SLC2A13: variants seen among roughly 807,000 people sequenced by gnomAD.
SLC2A13 encodes proton myo-inositol cotransporter.
SLC2A13 carries 32 observed loss-of-function variants against 64.4 expected under a neutral mutation model. That is an observed-to-expected ratio of 0.50 (90% confidence interval 0.37 to 0.67). SLC2A13 has a LOEUF of 0.67. SLC2A13 is among the 30% of genes least tolerant of loss of function. SLC2A13 has a pLI of 0.00. For synonymous variants in SLC2A13, 338 were observed against 327.1 expected (o/e 1.03, Z -0.36); for missense variants, 743 against 829.2 (o/e 0.90, Z 1.28).
chr12:39,989,683 TATC>T (rs2136164635), intron 3 of SLC2A13, among the ~76,000 whole-genome samples: 1 of 152,314 alleles, frequency 6.6e-6, no homozygotes, highest in Non-Finnish European at 1.5e-5. Context: ...GGGCTAAAAA[TATC>T]ATCGCCATAT....
At chr12:40,096,102 G>A (rs974239952) in intron 1 of SLC2A13, among the ~76,000 whole-genome samples, 1 of 125,594 alleles carries the variant, frequency 8.0e-6, no homozygotes, top group African/African-American at 3.0e-5. Flanking sequence ...TTTTTTTTTT[G>A]TACTTTTTAG....
At chr12:40,045,515 T>C (rs1948156974) in intron 2 of SLC2A13, among the ~76,000 whole-genome samples, 1 of 149,900 alleles carries the variant, frequency 6.7e-6, no homozygotes, top group Non-Finnish European at 1.5e-5. Flanking sequence ...AGGAGTCAGA[T>C]GAGATAAATA....
At position 40,086,622 on chromosome 12, in the gene SLC2A13, C is replaced by A. The variant is rs111714927; in HGVS notation, c.556+18631G>T. Among the ~76,000 whole-genome samples, 13 of 152,282 alleles carry A rather than the reference C, an allele frequency of 8.5e-5. 2 individuals carry two copies. The highest frequency in any genetic ancestry group is 2.9e-4 in the African/African-American group (12 of 41,552). ...CACCAACAGCAGAAGGCAATTCAGA[C>A]AAGACAGTCTTAAAAGCAAATCAGT... On this transcript the variant is annotated intron_variant, in intron 1 of 9. Transcript: ENST00000280871.
chr12:39,886,987 T>C (rs1944479812), intron 4 of SLC2A13, among the ~76,000 whole-genome samples: 1 of 152,176 alleles, frequency 6.6e-6, no homozygotes, highest in African/African-American at 2.4e-5. Context: ...TAAGAGGCAA[T>C]ACTAAACATT....
chr12:39,949,062 A>G (rs1946186322), intron 4 of SLC2A13, among the ~76,000 whole-genome samples: 1 of 152,170 alleles, frequency 6.6e-6, no homozygotes, highest in South Asian at 2.1e-4. Context: ...AGAGTCCCAG[A>G]TTAGTTGTTT....
intron 7 of SLC2A13, among the ~76,000 whole-genome samples, chr12:39,816,731 T>C (rs1215606976): frequency 1.3e-5 from 2 of 152,076 alleles, no homozygotes; most frequent in Non-Finnish European, 2.9e-5. Flanking sequence ...AAGCCTGTCC[T>C]TTCATGGGTC....
At chr12:39,840,552 T>G (rs1943154524) in intron 6 of SLC2A13, among the ~76,000 whole-genome samples, 1 of 152,018 alleles carries the variant, frequency 6.6e-6, no homozygotes, top group Admixed American at 6.6e-5. Flanking sequence ...ATTTAGAATA[T>G]GACATGCTCT....
intron 1 of SLC2A13, among the ~76,000 whole-genome samples, chr12:40,099,586 G>C (rs900844959): frequency 6.6e-6 from 1 of 152,170 alleles, no homozygotes; most frequent in Admixed American, 6.5e-5. Flanking sequence ...TTCCAAGGAA[G>C]TCACGTGAAC....
intron 3 of SLC2A13, among the ~76,000 whole-genome samples, chr12:39,977,205 C>T (rs1429136091): frequency 6.6e-6 from 1 of 152,102 alleles, no homozygotes; most frequent in Admixed American, 6.5e-5. Flanking sequence ...TAGTATTAAT[C>T]CCATTGGGCA....
intron 4 of SLC2A13, among the ~76,000 whole-genome samples, chr12:39,940,091 C>T (rs988559261): frequency 3.9e-5 from 6 of 152,192 alleles, no homozygotes; most frequent in Non-Finnish European, 7.3e-5. Context: ...AATTCACTAA[C>T]TTCCAGCCAA....
chr12:40,083,486 T>C (rs1315614395), intron 1 of SLC2A13, among the ~76,000 whole-genome samples: 1 of 152,176 alleles, frequency 6.6e-6, no homozygotes, highest in African/African-American at 2.4e-5. Context: ...CCTTTTCTAT[T>C]TCCTTTGTAC....
intron 6 of SLC2A13, among the ~76,000 whole-genome samples, chr12:39,836,421 A>T (rs1223797403): frequency 6.6e-6 from 1 of 152,304 alleles, no homozygotes; most frequent in African/African-American, 2.4e-5. Context: ...AAGGGAGAAA[A>T]TCGGCATAAG....
At chr12:40,054,676 T>C (rs952575153) in intron 1 of SLC2A13, among the ~76,000 whole-genome samples, 2 of 152,252 alleles carry the variant, frequency 1.3e-5, no homozygotes, top group African/African-American at 4.8e-5. Flanking sequence ...ACTGCCAAGC[T>C]GATTCACCAT....
At chr12:39,828,751 G>A (rs189509451) in intron 7 of SLC2A13, among the ~76,000 whole-genome samples, 139 of 151,054 alleles carry the variant, frequency 9.2e-4, no homozygotes, top group African/African-American at 3.3e-3. Flanking sequence ...AAACTCTAAA[G>A]GTTTAAAGCT....
At chr12:39,775,658 C>G (rs76518399) in intron 7 of SLC2A13, among the ~76,000 whole-genome samples, 1,623 of 152,266 alleles carry the variant, frequency 0.011, 25 homozygotes, top group African/African-American at 0.036. Flanking sequence ...CAAGATGTCA[C>G]AAAGTTGGAG....
chr12:40,046,779 G>T (rs952449884), intron 2 of SLC2A13, among the ~76,000 whole-genome samples: 1 of 152,076 alleles, frequency 6.6e-6, no homozygotes, highest in Non-Finnish European at 1.5e-5. Context: ...TTTCTCACAT[G>T]ACTTTTAATT....
intron 3 of SLC2A13, among the ~76,000 whole-genome samples, chr12:39,996,815 A>G (rs1947239638): frequency 6.6e-6 from 1 of 152,204 alleles, no homozygotes. Context: ...ATACTTAGGA[A>G]TATACCTAAC....
Position 39,884,019 on chromosome 12 carries a change from G to A in SLC2A13, c.1035-12058C>T, listed in dbSNP as rs1030057426. On this transcript the variant is annotated intron_variant, in intron 4 of 9. Transcript: ENST00000280871. ...ACACATTTCCAATTTCCTATAATAA[G>A]CATGTATTATTTAAAAGTTTTGTTT... 2.0e-5 allele frequency among the ~76,000 whole-genome samples: 3 copies of A among 152,236 alleles called. No homozygotes were observed. The East Asian group carries it at 5.8e-4, about 29-fold the overall frequency.
At position 39,830,089 on chromosome 12, in the gene SLC2A13, A is replaced by C; in HGVS notation, c.1445+14T>G. On this transcript the variant is annotated intron_variant, in intron 7 of 9. Transcript: ENST00000280871. ...ATATTATTATATATTCGTATGGTAAAATGAGTGATATACCTGCCCCAGGCT... is the reference window on the plus strand; with the variant it reads ...ATATTATTATATATTCGTATGGTAACATGAGTGATATACCTGCCCCAGGCT... 1 of 1,613,368 alleles carries C rather than the reference A, an allele frequency of 6.2e-7. No homozygotes were observed.
Sources: allele counts gnomAD v4.1 joint callset (sites outside exome capture counted in the v4.1 genomes callset), GRCh38; gene constraint gnomAD v4.1.1; transcripts MANE v1.5; gene names NCBI Gene and HGNC (gene_info 2026-07-23, HGNC 2026-07-21).